DMD: variants seen among roughly 807,000 people sequenced by gnomAD.
DMD encodes the protein dystrophin.
A neutral mutation model predicts 330.1 loss-of-function variants in DMD; 63 were observed. The ratio of observed to expected loss-of-function variants is 0.19; its 90% CI spans 0.16 to 0.24. The LOEUF (loss-of-function observed/expected upper bound fraction) is 0.24, where lower values mean the gene tolerates loss of function less well. Among genes scored for constraint, DMD ranks in the 10% least tolerant of loss-of-function variants. DMD has a pLI of 1.00. For missense variants in DMD, 3,344 were observed against 2,684.1 expected (o/e 1.25, Z -5.43); for synonymous variants, 1,223 against 959.8 (o/e 1.27, Z -5.07).
intron 2 of DMD, among the ~76,000 whole-genome samples, chrX:33,008,119 A>T (rs966145226): frequency 6.5e-4 from 73 of 111,698 alleles, no homozygotes; most frequent in African/African-American, 2.3e-3. Flanking sequence ...GAAAGTGATC[A>T]CTTGTTTATT....
intron 2 of DMD, among the ~76,000 whole-genome samples, chrX:32,986,352 TATAA>T (rs2092842616): frequency 8.9e-6 from 1 of 112,473 alleles, no homozygotes; most frequent in South Asian, 3.6e-4. Context: ...ATTTAGTTAC[TATAA>T]ATAAGTCTTA....
intron 1 of DMD, among the ~76,000 whole-genome samples, chrX:33,279,975 G>GATATCAAGTTC (rs1569559459): frequency 9.4e-6 from 1 of 106,843 alleles, no homozygotes; most frequent in African/African-American, 3.5e-5. Flanking sequence ...TAGATATATG[G>GATATCAAGTTC]TTTGCCAATA....
At chrX:33,033,849 AAAAC>A (rs1161273001) in intron 1 of DMD, among the ~76,000 whole-genome samples, 1 of 112,322 alleles carries the variant, frequency 8.9e-6, no homozygotes, top group Non-Finnish European at 1.9e-5. Context: ...TTTATTATAT[AAAAC>A]AAACAATAGA....
intron 2 of DMD, among the ~76,000 whole-genome samples, chrX:32,858,148 T>C (rs2149066666): frequency 8.9e-6 from 1 of 111,935 alleles, no homozygotes; most frequent in East Asian, 2.8e-4. Context: ...CTTCTCAGAA[T>C]ATTCTACCAG....
chrX:31,406,907 G>A (rs749605993), intron 60 of DMD, among the ~76,000 whole-genome samples: 1 of 111,493 alleles, frequency 9.0e-6, no homozygotes, highest in South Asian at 3.8e-4. Context: ...GCACATTTAA[G>A]GCACCCTAAT....
intron 13 of DMD, among the ~76,000 whole-genome samples, chrX:32,578,700 C>T (rs1340467888): frequency 1.8e-5 from 2 of 111,322 alleles, no homozygotes; most frequent in Admixed American, 9.6e-5. Flanking sequence ...TTTACTGGAG[C>T]CAGGGATAGA....
chrX:31,140,814 G>A (rs1026453178), intron 76 of DMD, among the ~76,000 whole-genome samples: 1 of 111,861 alleles, frequency 8.9e-6, no homozygotes, highest in African/African-American at 3.3e-5. Context: ...ATACAGTAAC[G>A]ACAATGAGCA....
chrX:32,510,404 G>A (rs965325314), intron 18 of DMD, among the ~76,000 whole-genome samples: 1 of 111,637 alleles, frequency 9.0e-6, no homozygotes, highest in Non-Finnish European at 1.9e-5. Context: ...ACAAGCACAT[G>A]CATACCCTCT....
At chrX:32,386,599 G>A (rs2097959678) in intron 32 of DMD, 134 bp from the exon 33 acceptor site, 1 of 557,526 alleles carries the variant, frequency 1.8e-6, no homozygotes, top group Admixed American at 3.5e-5. Context: ...GCATTTTGCA[G>A]CGGTGGTCAA....
intron 2 of DMD, among the ~76,000 whole-genome samples, chrX:33,002,850 G>GAAAAAAAAAA (rs145168802): frequency 3.9e-4 from 15 of 38,719 alleles, no homozygotes; most frequent in African/African-American, 4.2e-4. Flanking sequence ...TTTTTTTCTC[G>GAAAAAAAAAA]AAAAAAAAAA....
intron 2 of DMD, among the ~76,000 whole-genome samples, chrX:32,958,114 C>T (rs1020522471): frequency 2.7e-5 from 3 of 111,277 alleles, no homozygotes; most frequent in African/African-American, 9.8e-5. Flanking sequence ...AGATTTTCAG[C>T]GTAAGAGAGA....
intron 51 of DMD, among the ~76,000 whole-genome samples, chrX:31,769,130 T>C (rs2090181933): frequency 8.9e-6 from 1 of 112,304 alleles, no homozygotes; most frequent in Non-Finnish European, 1.9e-5. Context: ...CTAAAGCTAG[T>C]GAAAGGTTAG....
chrX:32,167,180 G>A (rs759997105), intron 44 of DMD, among the ~76,000 whole-genome samples: 1 of 112,240 alleles, frequency 8.9e-6, no homozygotes, highest in Admixed American at 9.5e-5. Flanking sequence ...ACATTTCATA[G>A]GTTAGTCCAC....
At chrX:32,336,808 G>A (rs764946469) in intron 41 of DMD, among the ~76,000 whole-genome samples, 1 of 111,961 alleles carries the variant, frequency 8.9e-6, no homozygotes, top group East Asian at 2.8e-4. Flanking sequence ...TATGTTCAAA[G>A]ATACTGATAT....
chrX:32,799,436 C>A (rs963816500), intron 7 of DMD, among the ~76,000 whole-genome samples: 1 of 111,278 alleles, frequency 9.0e-6, no homozygotes, highest in Admixed American at 9.6e-5. Context: ...TATTTCATAT[C>A]CTAAATGGAA....
chrX:31,878,876 A>G (rs1026551345), intron 47 of DMD, among the ~76,000 whole-genome samples: 1 of 112,237 alleles, frequency 8.9e-6, no homozygotes, highest in South Asian at 3.7e-4. Context: ...GGGAAAATGC[A>G]GACTCTTCTA....
chrX:33,020,647 G>A (rs1463694081), intron 1 of DMD, among the ~76,000 whole-genome samples: 2 of 111,600 alleles, frequency 1.8e-5, no homozygotes, highest in Non-Finnish European at 3.8e-5. Flanking sequence ...GCACTCCAGC[G>A]TGGGCGACAG....
intron 2 of DMD, among the ~76,000 whole-genome samples, chrX:32,860,579 ATTTTT>A (rs11427173): frequency 2.8e-5 from 3 of 107,793 alleles, no homozygotes; most frequent in Admixed American, 9.9e-5. Context: ...TTCCGAGTTG[ATTTTT>A]TTTTTGTTTT....
chrX:32,335,778 AT>A (rs2097707352), intron 41 of DMD, among the ~76,000 whole-genome samples: 1 of 102,777 alleles, frequency 9.7e-6, no homozygotes, highest in Admixed American at 1.1e-4. Context: ...AAAACGTTAT[AT>A]ATGTATAACA....
Sources: gnomAD v4.1 joint callset for allele counts (sites outside exome capture counted in the v4.1 genomes callset) on GRCh38, gnomAD v4.1.1 for gene constraint, MANE v1.5 for transcripts, NCBI Gene and HGNC (gene_info 2026-07-23, HGNC 2026-07-21) for gene names.